ENOX2: variants seen among roughly 807,000 people sequenced by gnomAD.
ENOX2 encodes ecto-NOX disulfide-thiol exchanger 2, also known as APK1 antigen.
In ENOX2, 36 loss-of-function variants were observed where a neutral mutation model predicts 45.0. That is an observed-to-expected ratio of 0.80 (90% confidence interval 0.61 to 1.06). The LOEUF (loss-of-function observed/expected upper bound fraction) is 1.06. Ranked by LOEUF, ENOX2 falls within the 50% of genes least tolerant of loss-of-function variation. The probability of loss-of-function intolerance (pLI) is 0.00; values close to 1 mark genes in which losing one functional copy is unlikely to be tolerated. For synonymous variants in ENOX2, 174 were observed against 152.3 expected (o/e 1.14, Z -1.05); for missense variants, 423 against 462.5 (o/e 0.91, Z 0.78).
chrX:130,865,276 A>C (rs1324516705), intron 2 of ENOX2, among the ~76,000 whole-genome samples: 1 of 111,284 alleles, frequency 9.0e-6, no homozygotes, highest in Non-Finnish European at 1.9e-5. Flanking sequence ...CAAACTAAAG[A>C]CTAGAAGGTA....
rs140444679 is a variant in ENOX2 at position 130,891,490 on chromosome X, G to GTT, written c.-183+10192_-183+10193dup. ...AATCTTCACAATACAACACTATATG[G>GTT]TTTTTTTTTTTTTTTTTTTTTTTTT... On this transcript the variant is annotated intron_variant, in intron 2 of 14. Coordinates refer to ENST00000394363, the MANE Select transcript of ENOX2 (RefSeq NM_006375.4). Among the ~76,000 whole-genome samples, 77 of 44,572 alleles carry GTT rather than the reference G, an allele frequency of 1.7e-3. 10 individuals carry two copies. The highest frequency in any genetic ancestry group is 0.01 in the East Asian group (13 of 1,273). The allele number at this position is 44,572 out of a possible 115,157, so 38.7% of individuals were successfully genotyped here.
chrX:130,728,954 G>A (rs1426262940), intron 3 of ENOX2, among the ~76,000 whole-genome samples: 3 of 111,622 alleles, frequency 2.7e-5, no homozygotes, highest in African/African-American at 9.8e-5. Context: ...CTGTTAGATA[G>A]GAAAGGAAAC....
At chrX:130,631,683 C>T (rs1238069019) in intron 12 of ENOX2, 107 bp from the exon 13 acceptor site, 1 of 427,305 alleles carries the variant, frequency 2.3e-6, no homozygotes, top group African/African-American at 2.4e-5. Flanking sequence ...AAAACAATAC[C>T]ATTCAATTTG....
At chrX:130,809,255 T>C (rs1603355073) in intron 2 of ENOX2, among the ~76,000 whole-genome samples, 1 of 112,699 alleles carries the variant, frequency 8.9e-6, no homozygotes, top group Non-Finnish European at 1.9e-5. Context: ...AGTTGATTTA[T>C]GTGCAGCTGT....
chrX:130,766,130 CTT>C (rs1379229825), intron 3 of ENOX2, among the ~76,000 whole-genome samples: 1 of 111,276 alleles, frequency 9.0e-6, no homozygotes, highest in Admixed American at 9.6e-5. Flanking sequence ...GGTATTGTCA[CTT>C]TTTATTTTTT....
At chrX:130,797,136 GGGA>G (rs766157864) in intron 2 of ENOX2, among the ~76,000 whole-genome samples, 75 of 111,733 alleles carry the variant, frequency 6.7e-4, no homozygotes, top group African/African-American at 2.3e-3. Flanking sequence ...ATTACATTGT[GGGA>G]GGTAGGACTT....
chrX:130,858,114 CT>C (rs772117481), intron 2 of ENOX2, among the ~76,000 whole-genome samples: 1,209 of 92,476 alleles, frequency 0.013, 20 homozygotes, highest in African/African-American at 0.037. Flanking sequence ...GGGCTTTTTC[CT>C]TTTTTTTTTT....
intron 3 of ENOX2, among the ~76,000 whole-genome samples, chrX:130,757,587 C>T (rs905410570): frequency 8.9e-6 from 1 of 111,880 alleles, no homozygotes; most frequent in African/African-American, 3.2e-5. Flanking sequence ...CACTGCTTTT[C>T]AGAATGGGGA....
intron 11 of ENOX2, among the ~76,000 whole-genome samples, chrX:130,635,534 A>C (rs2035909847): frequency 8.9e-6 from 1 of 112,345 alleles, no homozygotes; most frequent in African/African-American, 3.2e-5. Context: ...GTTTCCATAT[A>C]AGTAGGCAGG....
In ENOX2 at chrX:130,688,844, G is replaced by GA. The variant is rs1228178869; in HGVS notation, c.253+18dup. On this transcript the variant is annotated intron_variant, in intron 5 of 14. Coordinates refer to ENST00000394363, the MANE Select transcript of ENOX2 (RefSeq NM_006375.4). The stretch of plus-strand genomic sequence containing the variant: ...ACTAAAATATTGTGTCTTGTGTGGA[G>GA]AAAAAAGCAGAATATTACTTGGATT... The GA allele has an allele frequency of 8.6e-7, 1 of 1,162,333 alleles. No homozygotes were observed. The highest frequency in any genetic ancestry group is 2.3e-5 in the Admixed American group (1 of 43,364).
At chrX:130,883,087 T>C (rs1202647696) in intron 2 of ENOX2, among the ~76,000 whole-genome samples, 1 of 111,990 alleles carries the variant, frequency 8.9e-6, no homozygotes, top group Non-Finnish European at 1.9e-5. Flanking sequence ...TTTCAATAAA[T>C]GTTAGTTTGT....
At chrX:130,691,030 CACACACAT>C (rs1000267104) in intron 4 of ENOX2, among the ~76,000 whole-genome samples, 1 of 111,147 alleles carries the variant, frequency 9.0e-6, no homozygotes, top group Non-Finnish European at 1.9e-5. Context: ...CACACACACA[CACACACAT>C]ACACACACGT....
At chrX:130,662,428 T>C (rs1017113890) in intron 9 of ENOX2, among the ~76,000 whole-genome samples, 18 of 112,054 alleles carry the variant, frequency 1.6e-4, no homozygotes, top group African/African-American at 5.8e-4. Flanking sequence ...TGACTTGTTC[T>C]CAGATGCAAC....
chrX:130,668,085 G>A (rs1178756681), intron 7 of ENOX2, among the ~76,000 whole-genome samples: 1 of 110,130 alleles, frequency 9.1e-6, no homozygotes, highest in Non-Finnish European at 1.9e-5. Flanking sequence ...GTGAGAGAGA[G>A]AGAGAGAGAG....
chrX:130,819,000 C>G (rs1466473379), intron 2 of ENOX2, among the ~76,000 whole-genome samples: 1 of 111,886 alleles, frequency 8.9e-6, no homozygotes, highest in Non-Finnish European at 1.9e-5. Flanking sequence ...TATCCAGAAT[C>G]TACAAGGAAC....
At chrX:130,625,582 G>A (rs986524335) in intron 14 of ENOX2, 137 bp from the exon 15 acceptor site, 29 of 573,207 alleles carry the variant, frequency 5.1e-5, no homozygotes, top group East Asian at 4.4e-4. Flanking sequence ...TGCTCCTTGC[G>A]CATTTGTGTG....
At chrX:130,641,460 T>C (rs1468853875) in intron 10 of ENOX2, among the ~76,000 whole-genome samples, 1 of 111,265 alleles carries the variant, frequency 9.0e-6, no homozygotes, top group African/African-American at 3.3e-5. Context: ...GGCTCATGCC[T>C]GTAATCCCAG....
chrX:130,685,562 CAT>C (rs1485219080), intron 5 of ENOX2, among the ~76,000 whole-genome samples: 2 of 112,243 alleles, frequency 1.8e-5, no homozygotes, highest in Admixed American at 1.9e-4. Flanking sequence ...GGATTACAGA[CAT>C]ATGTTGTTAG....
At chrX:130,695,646 G>A (rs1361276592) in intron 4 of ENOX2, among the ~76,000 whole-genome samples, 1 of 111,547 alleles carries the variant, frequency 9.0e-6, no homozygotes, top group Non-Finnish European at 1.9e-5. Flanking sequence ...AATTATATAT[G>A]CATAATTAAG....
Sources: allele counts gnomAD v4.1 joint callset (sites outside exome capture counted in the v4.1 genomes callset), GRCh38; gene constraint gnomAD v4.1.1; transcripts MANE v1.5; gene names NCBI Gene and HGNC (gene_info 2026-07-23, HGNC 2026-07-21).